The following ATP6V1D variants were observed in gnomAD, a reference collection of about 807,000 sequenced individuals.
ATP6V1D encodes ATPase H+ transporting V1 subunit D.
In ATP6V1D, 20 loss-of-function variants were observed where a neutral mutation model predicts 39.4. The observed-to-expected ratio is 0.51, with a 90% CI of 0.36 to 0.74. The LOEUF (loss-of-function observed/expected upper bound fraction) is 0.74, where lower values mean the gene tolerates loss of function less well. Among genes scored for constraint, ATP6V1D ranks in the 30% least tolerant of loss-of-function variants. The probability of loss-of-function intolerance (pLI) is 0.00; values close to 1 mark genes in which losing one functional copy is unlikely to be tolerated. For missense variants in ATP6V1D, 228 were observed against 291.6 expected, an observed-to-expected ratio of 0.78 and a Z score of 1.59; for synonymous variants, 100 against 100.5, an observed-to-expected ratio of 0.99 and a Z score of 0.03.
At chr14:67,345,205 G>A (rs2085611757) in intron 6 of ATP6V1D, among the ~76,000 whole-genome samples, 1 of 152,090 alleles carries the variant, frequency 6.6e-6, no homozygotes, top group Admixed American at 6.5e-5. Context: ...TTATGCCACT[G>A]CACTCCAGCC....
chr14:67,358,207 G>A (rs1275352030), intron 1 of ATP6V1D, among the ~76,000 whole-genome samples: 1 of 152,108 alleles, frequency 6.6e-6, no homozygotes. Flanking sequence ...GAGTCATCAC[G>A]TCCTAGGAGT....
chr14:67,353,387 A>G (rs1222586526), intron 1 of ATP6V1D, among the ~76,000 whole-genome samples: 1 of 152,104 alleles, frequency 6.6e-6, no homozygotes, highest in African/African-American at 2.4e-5. Flanking sequence ...TCATCTGGGT[A>G]CACCTGTAAT....
intron 6 of ATP6V1D, among the ~76,000 whole-genome samples, chr14:67,344,256 C>T (rs2085605174): frequency 6.6e-6 from 1 of 152,206 alleles, no homozygotes; most frequent in Admixed American, 6.5e-5. Context: ...TAAACTTTCC[C>T]ATAAAAGCCT....
intron 7 of ATP6V1D, 86 bp from the exon 8 acceptor site, chr14:67,340,604 T>C: frequency 8.7e-7 from 1 of 1,148,382 alleles, no homozygotes; most frequent in Non-Finnish European, 1.3e-6. Flanking sequence ...ACAGTTATTT[T>C]TTCCTAATTG....
At chr14:67,357,853 C>T (rs185803015) in intron 1 of ATP6V1D, among the ~76,000 whole-genome samples, 105 of 152,288 alleles carry the variant, frequency 6.9e-4, no homozygotes, top group Non-Finnish European at 1.1e-3. Flanking sequence ...ACTATTCTAT[C>T]CTCTCACACA....
rs768753091 is a variant in ATP6V1D at position 67,337,879 on chromosome 14, T to A, written c.*742A>T. ...AGTATTATAATGCCCTCATAACTCATCGGCAATCATTTATTAGTACCCCAA... is the reference window on the plus strand; with the variant it reads ...AGTATTATAATGCCCTCATAACTCAACGGCAATCATTTATTAGTACCCCAA... On this transcript the variant is annotated 3_prime_UTR_variant, in exon 9 of 9. Transcript: ENST00000216442. The A allele has an allele frequency of 6.6e-6, 1 of 152,192 alleles. No homozygotes were observed. The highest frequency in any genetic ancestry group is 1.5e-5 in the Non-Finnish European group (1 of 68,034). 9.4% of individuals were successfully genotyped at this position (152,192 alleles called of 1,614,324 possible). A position where few individuals can be genotyped will look rare whatever the true frequency, so the allele number is the denominator to read the frequency against.
intron 1 of ATP6V1D, 96 bp downstream of exon 1, chr14:67,359,562 A>G: frequency 7.2e-7 from 1 of 1,396,236 alleles, no homozygotes; most frequent in African/African-American, 1.4e-5. Flanking sequence ...GGATCCTCCC[A>G]GGAAACAAGG....
chr14:67,340,596 A>T, intron 7 of ATP6V1D, 78 bp from the exon 8 acceptor site: 1 of 1,213,836 alleles, frequency 8.2e-7, no homozygotes, highest in Non-Finnish European at 1.2e-6. Flanking sequence ...TTTGTATAAC[A>T]GTTATTTTTT....
rs762779445 is a variant in ATP6V1D, at chr14:67,349,060, C to T, written c.284G>A (p.Arg95Gln). The T allele has an allele frequency of 2.0e-5, 33 of 1,613,898 alleles. No individual in the cohort carries two copies. Among genetic ancestry groups the T allele is most frequent in the East Asian group, 4.5e-5 (2 of 44,866 alleles). Residue 95 changes from arginine to glutamine, a missense_variant, in exon 4 of 9, where the codon CGA (arginine) becomes CAA (glutamine). Transcript: ENST00000216442. ...QNVNKAQVKI[R>Q]AKKDNVAGVT... ...ACCTGCTACATTATCTTTCTTCGCT[C>T]GAATCTTCACTTGCGCTTTATTGAC...
In ATP6V1D at chr14:67,337,929, A is replaced by G. The variant is rs900166416; in HGVS notation, c.*692T>C. The G allele has an allele frequency of 3.3e-5, 5 of 152,228 alleles. No individual in the cohort carries two copies. The highest frequency in any genetic ancestry group is 3.2e-3 in the Middle Eastern group (1 of 316). The allele number at this position is 152,228 out of a possible 1,614,324, so 9.4% of individuals were successfully genotyped here. ...AAATGCAACAGTTGTCTCAAAAGTA[A>G]GCCTTTTTGTAAAACTCTAATACAT... On this transcript the variant is annotated 3_prime_UTR_variant, in exon 9 of 9. Transcript: ENST00000216442.
chr14:67,342,033 G>A (rs921642515), intron 7 of ATP6V1D, among the ~76,000 whole-genome samples: 1 of 151,752 alleles, frequency 6.6e-6, no homozygotes, highest in South Asian at 2.1e-4. Flanking sequence ...AAGTACCCAC[G>A]GACACAAACA....
At chr14:67,348,453 C>T (rs1027868049) in intron 4 of ATP6V1D, among the ~76,000 whole-genome samples, 10 of 151,706 alleles carry the variant, frequency 6.6e-5, no homozygotes, top group African/African-American at 2.2e-4. Flanking sequence ...GATCCGCCCA[C>T]CTCAGCCTCC....
chr14:67,341,465 G>C (rs2085582188), intron 7 of ATP6V1D, among the ~76,000 whole-genome samples: 1 of 152,072 alleles, frequency 6.6e-6, no homozygotes, highest in South Asian at 2.1e-4. Context: ...AGGGAGGTTG[G>C]GGGGTCAGCC....
Position 67,338,536 on chromosome 14 carries a change from A to C in ATP6V1D, c.*85T>G, listed in dbSNP as rs1045060. 96,479 of 1,372,194 alleles carry C rather than the reference A, an allele frequency of 0.07. 11,132 individuals carry two copies. The highest frequency in any genetic ancestry group is 0.41 in the East Asian group (15,930 of 38,950). 85.0% of individuals were successfully genotyped at this position (1,372,194 alleles called of 1,614,324 possible). On this transcript the variant is annotated 3_prime_UTR_variant, in exon 9 of 9. Coordinates refer to ENST00000216442, the MANE Select transcript of ATP6V1D (RefSeq NM_015994.4). ...CAGTGAAATTCTTAGGCCAAAAAAT[A>C]AATAGCCACACAAATCAAACCTACA...
intron 7 of ATP6V1D, among the ~76,000 whole-genome samples, chr14:67,342,205 TAAATAAA>T (rs2085589384): frequency 2.3e-4 from 32 of 140,722 alleles, no homozygotes; most frequent in Admixed American, 1.4e-4. Flanking sequence ...AATAAATAAA[TAAATAAA>T]TAAAATAAAA....
intron 3 of ATP6V1D, 102 bp from the exon 4 acceptor site, chr14:67,349,206 G>C (rs2085641563): frequency 4.5e-6 from 5 of 1,118,254 alleles, no homozygotes; most frequent in Non-Finnish European, 6.5e-6. Flanking sequence ...AGAGTGAGAT[G>C]TCACAATTAA....
intron 6 of ATP6V1D, among the ~76,000 whole-genome samples, chr14:67,344,577 C>T (rs2085608007): frequency 6.6e-6 from 1 of 152,064 alleles, no homozygotes; most frequent in Non-Finnish European, 1.5e-5. Context: ...GCTATTCTTA[C>T]TTAGCAAAGA....
At chr14:67,341,529 C>CG (rs1387684050) in intron 7 of ATP6V1D, among the ~76,000 whole-genome samples, 1 of 151,074 alleles carries the variant, frequency 6.6e-6, no homozygotes, top group African/African-American at 2.4e-5. Flanking sequence ...GTCAGCCCCC[C>CG]GCCTGGCCAG....
rs1184090785 is a variant in ATP6V1D, at chr14:67,345,763, C to T, written c.456+5G>A. ...CAGGAGTTCTCCAGGTCTTTTGCTA[C>T]TTACCTGCAGAGAAGCTAGTTCCAC... On this transcript the variant is annotated splice_donor_5th_base_variant and intron_variant, in intron 6 of 8. Transcript: ENST00000216442. 1 of 1,602,878 alleles carries T rather than the reference C, an allele frequency of 6.2e-7. No individual in the cohort carries two copies.
Sources: allele counts gnomAD v4.1 joint callset (sites outside exome capture counted in the v4.1 genomes callset), GRCh38; gene constraint gnomAD v4.1.1; transcripts MANE v1.5; gene names NCBI Gene and HGNC (gene_info 2026-07-23, HGNC 2026-07-21).